Variants in ZNF761 observed in about 807,000 individuals in gnomAD.
The protein encoded by ZNF761 is zinc finger protein 761.
ZNF761 carries 43 observed loss-of-function variants against 59.9 expected under a neutral mutation model. The ratio of observed to expected loss-of-function variants is 0.72; its 90% confidence interval spans 0.56 to 0.92. ZNF761 has a LOEUF of 0.92. Ranked by LOEUF, ZNF761 falls within the 40% of genes least tolerant of loss-of-function variation. The pLI is 0.00. For synonymous variants in ZNF761, 294 were observed against 304.8 expected, an observed-to-expected ratio of 0.96 and a Z score of 0.37; for missense variants, 850 against 906.1, an observed-to-expected ratio of 0.94 and a Z score of 0.79.
chr19:53,432,929 G>A (rs2147116441), intron 1 of ZNF761, among the ~76,000 whole-genome samples: 1 of 151,850 alleles, frequency 6.6e-6, no homozygotes, highest in Middle Eastern at 3.4e-3. Context: ...AGGGAGAGGA[G>A]GAGGGATTTG....
chr19:53,450,032 T>C lies in ZNF761; in HGVS notation c.142+394T>C, dbSNP rs533749290. The stretch of plus-strand genomic sequence containing the variant: ...ATTTTTGCATATGTGTGGCCGGGCT[T>C]GGTGGCTCACGCCTGTAATCCCAGC... On this transcript the variant is annotated intron_variant, in intron 4 of 4. Coordinates refer to ENST00000684525, the MANE Select transcript of ZNF761 (RefSeq NM_001289951.2). The C allele has an allele frequency of 6.8e-4, 298 of 436,530 alleles. 1 individual carries two copies. The Middle Eastern group carries it at 8.2e-3, about 12-fold the overall frequency. The allele number at this position is 436,530 out of a possible 1,614,324, so 27.0% of individuals were successfully genotyped here.
At chr19:53,433,012 C>G (rs561481115) in intron 1 of ZNF761, among the ~76,000 whole-genome samples, 42 of 149,152 alleles carry the variant, frequency 2.8e-4, no homozygotes, top group African/African-American at 8.7e-4. Context: ...AGGGAGGACA[C>G]CTGGGGATCT....
chr19:53,453,863 T>C (rs78397670), intron 4 of ZNF761, among the ~76,000 whole-genome samples: 14,225 of 150,754 alleles, frequency 0.094, 682 homozygotes, highest in Middle Eastern at 0.11. Context: ...TGCAACAGAG[T>C]GAAACTTCAT....
rs139713552 is a variant in ZNF761, at chr19:53,456,539, A to G, written c.2032A>G (p.Ile678Val). 1,177 of 1,612,066 alleles carry G rather than the reference A, an allele frequency of 7.3e-4. 3 individuals are homozygous for G. The highest frequency in any genetic ancestry group is 2.7e-3 in the South Asian group (247 of 90,894). The part of the protein sequence containing the change: ...GKTFSRKSYF[I>V]CHHRLHTGEK... ...GACCTTTAGTCGGAAGTCATATTTT[A>G]TATGCCATCATAGACTTCATACTGG... Residue 678 changes from isoleucine (I) to valine (V), a missense_variant, in exon 5 of 5, where the codon ATA (isoleucine) becomes GTA (valine). Physicochemically the swap from Ile to Val is conservative, Grantham distance 29 (BLOSUM62 3). Transcript: ENST00000684525.
chr19:53,455,927 G>C lies in ZNF761; in HGVS notation c.1420G>C (p.Ala474Pro). 1 of 1,612,958 alleles carries C rather than the reference G, an allele frequency of 6.2e-7. No individual in the cohort carries two copies. The highest frequency in any genetic ancestry group is 8.5e-7 in the Non-Finnish European group (1 of 1,179,740). The change falls in exon 5 of 5, where the codon GCT becomes CCT. Residue 474 changes from alanine to proline, a missense_variant. Physicochemically the swap from Ala to Pro is conservative, Grantham distance 27. Transcript: ENST00000684525. ...TTACAAATGTGAAGAATGTGACAAA[G>C]CTTTCCGTTTCAAATCAAACCTTGA... ...QPYKCEECDK[A>P]FRFKSNLERH...
At chr19:53,439,168 G>A (rs2086072754) in intron 1 of ZNF761, among the ~76,000 whole-genome samples, 1 of 151,582 alleles carries the variant, frequency 6.6e-6, no homozygotes, top group Non-Finnish European at 1.5e-5. Flanking sequence ...CTACCCAGGA[G>A]GCAAAGGCAG....
At position 53,444,522 on chromosome 19, in the gene ZNF761, C is replaced by T. The variant is rs11669685; in HGVS notation, c.-184-1705C>T. On this transcript the variant is annotated intron_variant, in intron 1 of 4. Transcript: ENST00000684525. ...TTACGTTTTCCTGCTGACCCTCTCC[C>T]CACCATTAGCCTGTAGTCCTGCCAC... The T allele has an allele frequency of 3.3e-5, 5 of 152,084 alleles. No individual in the cohort carries two copies. In the East Asian group the frequency reaches 9.7e-4, roughly 29 times the overall value. The allele number at this position is 152,084 out of a possible 1,614,324, so 9.4% of individuals were successfully genotyped here. A position where few individuals can be genotyped will look rare whatever the true frequency, so the allele number is the denominator to read the frequency against.
intron 3 of ZNF761, 50 bp downstream of exon 3, chr19:53,447,333 G>T: frequency 1.2e-6 from 2 of 1,606,532 alleles, no homozygotes; most frequent in Non-Finnish European, 8.5e-7. Context: ...TTTCAGAAAT[G>T]CTGGGCCTTG....
At chr19:53,454,556 A>G in intron 4 of ZNF761, 94 bp from the exon 5 acceptor site, 1 of 1,343,816 alleles carries the variant, frequency 7.4e-7, no homozygotes, top group Non-Finnish European at 1.0e-6. Flanking sequence ...GGAAAGTTTA[A>G]AATAACTATT....
rs542738349 is a variant in ZNF761, at chr19:53,438,801, T to C, written c.-185+6773T>C. 4.3e-4 allele frequency among the ~76,000 whole-genome samples: 66 copies of C among 152,322 alleles called. No individual in the cohort carries two copies. In the South Asian group the frequency reaches 8.3e-3, roughly 19 times the overall value. On this transcript the variant is annotated intron_variant, in intron 1 of 4. Coordinates refer to ENST00000684525, the MANE Select transcript of ZNF761 (RefSeq NM_001289951.2). Reference sequence around the variant, plus strand: ...ACCTCTTCATGGAAAATTTGGGCTTTCTTTTTTGATATTTTGTAACTTGCT... The same window carrying C: ...ACCTCTTCATGGAAAATTTGGGCTTCCTTTTTTGATATTTTGTAACTTGCT...
chr19:53,436,526 G>C (rs1324700968), intron 1 of ZNF761, among the ~76,000 whole-genome samples: 1 of 152,216 alleles, frequency 6.6e-6, no homozygotes, highest in Admixed American at 6.5e-5. Context: ...CCATACGAAA[G>C]AGCTGATCTT....
chr19:53,434,371 A>C (rs150811628), intron 1 of ZNF761, among the ~76,000 whole-genome samples: 1 of 152,242 alleles, frequency 6.6e-6, no homozygotes, highest in East Asian at 1.9e-4. Context: ...AGATGGTCTA[A>C]TTGTTTCAAG....
intron 1 of ZNF761, among the ~76,000 whole-genome samples, chr19:53,434,338 T>C (rs2086012258): frequency 6.6e-6 from 1 of 152,212 alleles, no homozygotes; most frequent in Non-Finnish European, 1.5e-5. Flanking sequence ...AGTTTCTCCC[T>C]GTTGCAGTGG....
intron 1 of ZNF761, among the ~76,000 whole-genome samples, chr19:53,434,811 A>G (rs1324205883): frequency 2.0e-5 from 3 of 152,214 alleles, no homozygotes; most frequent in East Asian, 1.9e-4. Flanking sequence ...TCCTTCTACA[A>G]ACAACATGAG....
intron 1 of ZNF761, among the ~76,000 whole-genome samples, chr19:53,445,682 T>G (rs2086150046): frequency 6.6e-6 from 1 of 151,726 alleles, no homozygotes; most frequent in Admixed American, 6.6e-5. Context: ...ACCCCAAAAA[T>G]AAAATTAAAA....
rs762002172 is a variant in ZNF761, at chr19:53,447,279, C to T, written c.11C>T (p.Ser4Phe). 2.5e-6 allele frequency: 4 copies of T among 1,613,092 alleles called. No individual in the cohort carries two copies. The highest frequency in any genetic ancestry group is 2.2e-5 in the East Asian group (1 of 44,884). The change falls in exon 3 of 5, where the codon TCT becomes TTT. Residue 4 changes from serine (S) to phenylalanine (F), a missense_variant. Coordinates refer to ENST00000684525, the MANE Select transcript of ZNF761 (RefSeq NM_001289951.2). MAFSQGLLTFRDVA... is the reference protein window; with the variant it reads MAFFQGLLTFRDVA... The stretch of plus-strand genomic sequence containing the variant: ...GCAAAGGAGTCAGGGATGGCTTTTT[C>T]TCAGGTGAGATGATATTTTCAGTGG...
At chr19:53,434,442 A>G (rs773111776) in intron 1 of ZNF761, among the ~76,000 whole-genome samples, 4 of 152,280 alleles carry the variant, frequency 2.6e-5, no homozygotes, top group Non-Finnish European at 4.4e-5. Flanking sequence ...CACAGATCCA[A>G]TAGAGACCAG....
At chr19:53,435,336 C>CTTTTTT (rs2086028839) in intron 1 of ZNF761, among the ~76,000 whole-genome samples, 1 of 66,536 alleles carries the variant, frequency 1.5e-5, no homozygotes, top group African/African-American at 5.9e-5. Flanking sequence ...TGGAGTTTTG[C>CTTTTTT]TCTTGTTGCC....
At position 53,454,929 on chromosome 19, in the gene ZNF761, G is replaced by T. The variant is rs1484006361; in HGVS notation, c.422G>T (p.Gly141Val). ...ARNKPIKDQL[G>V]SSFHSHLPEM... ...AACAAGCCTATTAAAGATCAGCTTG[G>T]ATCAAGCTTTCATTCGCATCTGCCT... Residue 141 changes from glycine (G) to valine (V), a missense_variant, in exon 5 of 5, where the codon GGA (glycine) becomes GTA (valine). Physicochemically the swap from Gly to Val is moderately radical, Grantham distance 109 (BLOSUM62 -3). Coordinates refer to ENST00000684525, the MANE Select transcript of ZNF761 (RefSeq NM_001289951.2). The T allele has an allele frequency of 3.7e-6, 6 of 1,614,120 alleles. No individual in the cohort carries two copies. The highest frequency in any genetic ancestry group is 5.1e-6 in the Non-Finnish European group (6 of 1,180,030).
Sources: gnomAD v4.1 joint callset for allele counts (sites outside exome capture counted in the v4.1 genomes callset) on GRCh38, gnomAD v4.1.1 for gene constraint, MANE v1.5 for transcripts, NCBI Gene and HGNC (gene_info 2026-07-23, HGNC 2026-07-21) for gene names.